PSIP1: variants seen among roughly 807,000 people sequenced by gnomAD.
PSIP1 encodes PC4 and SFRS1-interacting protein.
PSIP1 carries 19 observed loss-of-function variants against 74.7 expected under a neutral mutation model. That is an observed-to-expected ratio of 0.25 (90% CI 0.18 to 0.37). PSIP1 has a LOEUF of 0.37. PSIP1 is among the 10% of genes least tolerant of loss of function. PSIP1 has a pLI of 1.00. For synonymous variants in PSIP1, 222 were observed against 195.3 expected (o/e 1.14, Z -1.14); for missense variants, 601 against 614.3 (o/e 0.98, Z 0.23).
In PSIP1 at chr9:15,478,492, G is replaced by T; in HGVS notation, c.614C>A (p.Pro205His). ...GRPKMVKQPC[P>H]SESDIITEED... ...ATAAACTCACATGTCACTCTCTGAA[G>T]GACAGGGCTGTTTTACCATTTTGGG... Residue 205 changes from proline to histidine, a missense_variant, in exon 8 of 16, where the codon CCT becomes CAT. Coordinates refer to ENST00000380733, the MANE Select transcript of PSIP1 (RefSeq NM_033222.5). 2 of 1,595,132 alleles carry T rather than the reference G, an allele frequency of 1.3e-6. No individual in the cohort carries two copies. Among genetic ancestry groups the T allele is most frequent in the Non-Finnish European group, 1.7e-6 (2 of 1,163,326 alleles).
In PSIP1 at chr9:15,479,494, A is replaced by G. The variant is rs137934260; in HGVS notation, c.553+97T>C. The G allele has an allele frequency of 1.5e-4, 125 of 856,106 alleles. 1 individual carries two copies. In the African/African-American group the frequency reaches 1.8e-3, roughly 12 times the overall value. 53.0% of individuals were successfully genotyped at this position (856,106 alleles called of 1,614,324 possible). On this transcript the variant is annotated intron_variant, in intron 7 of 15. Transcript: ENST00000380733. ...GTATGTTACACATAATCAATTGCCT[A>G]TTTGCTTCATTCCAAAATATTTGAG...
chr9:15,473,778 G>A (rs551829727), intron 9 of PSIP1, among the ~76,000 whole-genome samples: 1 of 151,944 alleles, frequency 6.6e-6, no homozygotes, highest in Admixed American at 6.6e-5. Context: ...GCACATGCCT[G>A]TACTTCCAGC....
At chr9:15,482,327 T>G (rs1259069328) in intron 6 of PSIP1, among the ~76,000 whole-genome samples, 1 of 152,174 alleles carries the variant, frequency 6.6e-6, no homozygotes, top group Non-Finnish European at 1.5e-5. Context: ...TTTTATGCAA[T>G]CTCAGTTGAG....
intron 8 of PSIP1, among the ~76,000 whole-genome samples, chr9:15,474,604 T>C (rs998068000): frequency 1.3e-5 from 2 of 152,146 alleles, no homozygotes; most frequent in African/African-American, 4.8e-5. Flanking sequence ...ATGATAAATA[T>C]ATAGCCAATT....
chr9:15,488,895 C>G (rs1406706646), intron 4 of PSIP1, among the ~76,000 whole-genome samples: 1 of 151,988 alleles, frequency 6.6e-6, no homozygotes, highest in African/African-American at 2.4e-5. Context: ...GTGGCGGGCA[C>G]CTGTAGTCCC....
At chr9:15,492,581 G>T (rs925666329) in intron 3 of PSIP1, among the ~76,000 whole-genome samples, 5 of 152,310 alleles carry the variant, frequency 3.3e-5, no homozygotes, top group African/African-American at 7.2e-5. Context: ...CTGGAGGATG[G>T]TGGCCTTCTT....
intron 3 of PSIP1, chr9:15,505,777 G>A (rs993028830): frequency 2.0e-5 from 3 of 152,190 alleles, no homozygotes; most frequent in Admixed American, 6.5e-5. Flanking sequence ...TTATACAGTA[G>A]CTAAGCAACT....
At chr9:15,494,667 T>C (rs1470551422) in intron 3 of PSIP1, among the ~76,000 whole-genome samples, 4 of 152,108 alleles carry the variant, frequency 2.6e-5, no homozygotes, top group Non-Finnish European at 1.5e-5. Context: ...GTAACATTCA[T>C]TGTATCCATG....
intron 9 of PSIP1, among the ~76,000 whole-genome samples, chr9:15,473,335 C>A (rs1280931622): frequency 6.6e-6 from 1 of 152,088 alleles, no homozygotes; most frequent in Non-Finnish European, 1.5e-5. Flanking sequence ...CTATATAAAT[C>A]CACCTCTTTT....
intron 3 of PSIP1, among the ~76,000 whole-genome samples, chr9:15,491,432 T>C (rs565055684): frequency 6.6e-6 from 1 of 152,346 alleles, no homozygotes; most frequent in East Asian, 1.9e-4. Context: ...ACTCAGTGCA[T>C]GTTTGTGAAT....
chr9:15,469,434 A>T (rs1220533340), intron 11 of PSIP1, 98 bp from the exon 12 acceptor site: 2 of 691,826 alleles, frequency 2.9e-6, no homozygotes, highest in East Asian at 2.7e-5. Flanking sequence ...CTTAAAAAAA[A>T]AATGTTCTTA....
At chr9:15,489,183 G>A (rs2036709018) in intron 4 of PSIP1, 2 of 152,178 alleles carry the variant, frequency 1.3e-5, no homozygotes, top group African/African-American at 4.8e-5. Flanking sequence ...GGACCCATGG[G>A]AAAAACCACA....
intron 2 of PSIP1, among the ~76,000 whole-genome samples, chr9:15,507,225 C>T (rs2037633582): frequency 6.6e-6 from 1 of 152,180 alleles, no homozygotes; most frequent in Admixed American, 6.5e-5. Flanking sequence ...CTCTTTCAAC[C>T]TTTTAAATTA....
rs2035893299 is a variant in PSIP1 at position 15,472,712 on chromosome 9, T to C, written c.897A>G (p.Arg299=). ...KGGRNFQTAH[R]RNMLKGQHEK... is the part of the protein sequence containing the mutation. ...CATGTTGGCCTTTCAGCATATTCCTTCTGTGAGCAGTCTGAAAGTTCCTCC... is the reference window on the plus strand; with the variant it reads ...CATGTTGGCCTTTCAGCATATTCCTCCTGTGAGCAGTCTGAAAGTTCCTCC... The change falls in exon 10 of 16, where the codon AGA becomes AGG. Residue 299 remains arginine, a synonymous_variant. Transcript: ENST00000380733. 6.2e-7 allele frequency: 1 copy of C among 1,607,340 alleles called. No homozygotes were observed. Among genetic ancestry groups the C allele is most frequent in the Admixed American group, 1.7e-5 (1 of 58,334 alleles).
chr9:15,467,460 C>T (rs1323107465), intron 14 of PSIP1, among the ~76,000 whole-genome samples: 1 of 152,156 alleles, frequency 6.6e-6, no homozygotes, highest in African/African-American at 2.4e-5. Context: ...TGTTTAATAA[C>T]AAGACTGGAG....
At chr9:15,488,305 G>A (rs2036645757) in intron 4 of PSIP1, among the ~76,000 whole-genome samples, 1 of 151,974 alleles carries the variant, frequency 6.6e-6, no homozygotes, top group South Asian at 2.1e-4. Context: ...CACTCCAGCC[G>A]GGGTGACAGA....
chr9:15,499,579 G>GA (rs1344211309), intron 3 of PSIP1, among the ~76,000 whole-genome samples: 1 of 152,000 alleles, frequency 6.6e-6, no homozygotes, highest in Non-Finnish European at 1.5e-5. Flanking sequence ...ACTCTTAAAA[G>GA]AAACAAGTCA....
intron 10 of PSIP1, chr9:15,471,931 A>C (rs2035849876): frequency 9.2e-6 from 9 of 980,156 alleles, no homozygotes; most frequent in South Asian, 4.7e-5. Flanking sequence ...CATGTCAGAG[A>C]AAGAACTCAG....
intron 8 of PSIP1, among the ~76,000 whole-genome samples, chr9:15,477,690 A>G (rs570307635): frequency 1.2e-3 from 190 of 152,216 alleles, no homozygotes; most frequent in African/African-American, 4.5e-3. Flanking sequence ...CCAAGTAGAA[A>G]AGGCAGCAAG....
Sources: gnomAD v4.1 joint callset for allele counts (sites outside exome capture counted in the v4.1 genomes callset) on GRCh38, gnomAD v4.1.1 for gene constraint, MANE v1.5 for transcripts, NCBI Gene and HGNC (gene_info 2026-07-23, HGNC 2026-07-21) for gene names.